RCAN3: variants seen among roughly 807,000 people sequenced by gnomAD.
RCAN3 encodes regulator of calcineurin 3.
A neutral mutation model predicts 21.9 loss-of-function variants in RCAN3; 19 were observed. That is an observed-to-expected ratio of 0.87 (90% CI 0.61 to 1.27). The LOEUF (loss-of-function observed/expected upper bound fraction) is 1.27. Ranked by LOEUF, RCAN3 falls within the 50% of genes most tolerant of loss-of-function variation. RCAN3 has a pLI of 0.00. For missense variants in RCAN3, 240 were observed against 300.1 expected (o/e 0.80, Z 1.48); for synonymous variants, 114 against 112.3 (o/e 1.01, Z -0.09).
chr1:24,502,559 G>A (rs997019353), upstream of RCAN3: 4 of 152,402 alleles, frequency 2.6e-5, no homozygotes, highest in African/African-American at 9.6e-5. Flanking sequence ...ACTGTCCTAC[G>A]GGGCTAGCAG....
chr1:24,518,558 G>T (rs1382904656), intron 2 of RCAN3, among the ~76,000 whole-genome samples: 1 of 151,564 alleles, frequency 6.6e-6, no homozygotes, highest in African/African-American at 2.4e-5. Flanking sequence ...GATTGTATTT[G>T]CTTGTTTGCT....
At chr1:24,508,483 C>A (rs137925231) in intron 1 of RCAN3, among the ~76,000 whole-genome samples, 1 of 151,832 alleles carries the variant, frequency 6.6e-6, no homozygotes, top group Non-Finnish European at 1.5e-5. Flanking sequence ...GATAAAGTCA[C>A]GCAGGAGAGA....
chr1:24,540,562 C>T lies in RCAN3; in HGVS notation c.*5285C>T, dbSNP rs539158112. 2 of 152,264 alleles carry T rather than the reference C, an allele frequency of 1.3e-5. No homozygotes were observed. Among genetic ancestry groups the T allele is most frequent in the Non-Finnish European group, 2.9e-5 (2 of 68,024 alleles). 9.4% of individuals were successfully genotyped at this position (152,264 alleles called of 1,614,324 possible). A position where few individuals can be genotyped will look rare whatever the true frequency, so the allele number is the denominator to read the frequency against. ...AAAGGTGGTTACCCCTGTTACCGTG[C>T]CATATTCTTCTTGCTGCTTTTCAAC... On this transcript the variant is annotated 3_prime_UTR_variant, in exon 5 of 5. Coordinates refer to ENST00000374395, the MANE Select transcript of RCAN3 (RefSeq NM_013441.4).
At chr1:24,508,851 T>C (rs1388209619) in intron 1 of RCAN3, among the ~76,000 whole-genome samples, 1 of 152,194 alleles carries the variant, frequency 6.6e-6, no homozygotes, top group African/African-American at 2.4e-5. Context: ...ATTTAAAAAA[T>C]ACTTTGTTGC....
intron 4 of RCAN3, among the ~76,000 whole-genome samples, chr1:24,534,885 C>T (rs1650100979): frequency 6.6e-6 from 1 of 152,186 alleles, no homozygotes; most frequent in Admixed American, 6.5e-5. Flanking sequence ...CCCAAGACTT[C>T]AGTACTGAAA....
intron 2 of RCAN3, among the ~76,000 whole-genome samples, chr1:24,530,874 G>T (rs994270915): frequency 2.0e-5 from 3 of 152,020 alleles, no homozygotes; most frequent in South Asian, 2.1e-4. Context: ...GCCGGGCATG[G>T]TGGCCGGCCC....
Position 24,514,315 on chromosome 1 carries a change from G to T in RCAN3, c.-58G>T. On this transcript the variant is annotated splice_region_variant and 5_prime_UTR_variant, in exon 2 of 5. Coordinates refer to ENST00000374395, the MANE Select transcript of RCAN3 (RefSeq NM_013441.4). ...CTGCATTTTCTTTTTTTTTAACAGT[G>T]GGTGCCTGATAGACATCCTAGGACT... 2.2e-6 allele frequency: 3 copies of T among 1,376,210 alleles called. No homozygotes were observed. The highest frequency in any genetic ancestry group is 1.8e-5 in the South Asian group (1 of 56,908). 85.2% of individuals were successfully genotyped at this position (1,376,210 alleles called of 1,614,324 possible). A position where few individuals can be genotyped will look rare whatever the true frequency, so the allele number is the denominator to read the frequency against.
intron 2 of RCAN3, among the ~76,000 whole-genome samples, chr1:24,516,280 T>C (rs12143578): frequency 8.0e-4 from 121 of 151,924 alleles, no homozygotes; most frequent in Non-Finnish European, 1.4e-3. Context: ...GCCTGGGCAA[T>C]ATAGCGAGAC....
In RCAN3 at chr1:24,535,335, T is replaced by A; in HGVS notation, c.*58T>A. ...GGTGGGCTCTGGCCATGGCGCTCTG[T>A]GCCTGCGGCCGATGCGTTGCTGCGA... On this transcript the variant is annotated 3_prime_UTR_variant, in exon 5 of 5. Transcript: ENST00000374395. The A allele has an allele frequency of 2.7e-6, 4 of 1,481,998 alleles. No individual in the cohort carries two copies. Among genetic ancestry groups the A allele is most frequent in the Non-Finnish European group, 3.6e-6 (4 of 1,121,342 alleles). The allele number at this position is 1,481,998 out of a possible 1,614,324, so 91.8% of individuals were successfully genotyped here.
At chr1:24,507,510 C>A (rs963418104) in intron 1 of RCAN3, 3 of 152,154 alleles carry the variant, frequency 2.0e-5, no homozygotes, top group Non-Finnish European at 4.4e-5. Flanking sequence ...CCTGGGGTTT[C>A]ACAGATACAG....
chr1:24,529,704 C>G (rs1474588911), intron 2 of RCAN3, among the ~76,000 whole-genome samples: 1 of 151,280 alleles, frequency 6.6e-6, no homozygotes, highest in East Asian at 2.0e-4. Flanking sequence ...GCGCCCACCA[C>G]CATGCCCGGC....
chr1:24,515,065 A>G (rs1252795578), intron 2 of RCAN3, among the ~76,000 whole-genome samples: 1 of 152,190 alleles, frequency 6.6e-6, no homozygotes. Flanking sequence ...CAGTTAGGAA[A>G]TGTTTCAAAA....
At chr1:24,510,891 T>C (rs1171980875) in intron 1 of RCAN3, among the ~76,000 whole-genome samples, 1 of 152,172 alleles carries the variant, frequency 6.6e-6, no homozygotes, top group Non-Finnish European at 1.5e-5. Context: ...TTAGAAGCCA[T>C]TGAAGGTTTA....
intron 1 of RCAN3, among the ~76,000 whole-genome samples, chr1:24,506,148 C>T (rs193298101): frequency 6.6e-6 from 1 of 152,178 alleles, no homozygotes; most frequent in Non-Finnish European, 1.5e-5. Context: ...TTCTGCTGGG[C>T]CAGTCAAGAG....
intron 1 of RCAN3, among the ~76,000 whole-genome samples, chr1:24,508,733 G>A (rs1168963962): frequency 6.6e-6 from 1 of 152,130 alleles, no homozygotes; most frequent in Non-Finnish European, 1.5e-5. Context: ...TAATAAAGCC[G>A]GTCACACGAA....
chr1:24,505,225 C>CTTTTTTTTTT (rs1351108344), intron 1 of RCAN3, among the ~76,000 whole-genome samples: 73 of 109,554 alleles, frequency 6.7e-4, no homozygotes, highest in Non-Finnish European at 9.5e-4. Flanking sequence ...TTTTTTTTCT[C>CTTTTTTTTTT]TTTTTTCTTT....
intron 3 of RCAN3, among the ~76,000 whole-genome samples, chr1:24,532,874 G>A (rs932678640): frequency 9.3e-5 from 14 of 149,936 alleles, no homozygotes; most frequent in African/African-American, 1.5e-4. Context: ...ATGTGAACCC[G>A]GGAGGTGGAG....
At chr1:24,513,224 G>A (rs1963149) in intron 1 of RCAN3, among the ~76,000 whole-genome samples, 2,514 of 151,042 alleles carry the variant, frequency 0.017, 68 homozygotes, top group African/African-American at 0.056. Flanking sequence ...GTGACAGAGC[G>A]AGACTCTGTC....
chr1:24,520,641 A>G (rs927981462), intron 2 of RCAN3, among the ~76,000 whole-genome samples: 2 of 144,282 alleles, frequency 1.4e-5, no homozygotes, highest in Non-Finnish European at 3.0e-5. Flanking sequence ...ATGAGAACAC[A>G]ATGACACAGG....
Sources: allele counts gnomAD v4.1 joint callset (sites outside exome capture counted in the v4.1 genomes callset), GRCh38; gene constraint gnomAD v4.1.1; transcripts MANE v1.5; gene names NCBI Gene and HGNC (gene_info 2026-07-23, HGNC 2026-07-21).